PIP5K1B: variants seen among roughly 807,000 people sequenced by gnomAD.
The protein encoded by PIP5K1B is phosphatidylinositol 4-phosphate 5-kinase type-1 beta.
A neutral mutation model predicts 67.0 loss-of-function variants in PIP5K1B; 42 were observed. That is an observed-to-expected ratio of 0.63 (90% CI 0.49 to 0.81). The LOEUF is 0.81. Ranked by LOEUF, PIP5K1B falls within the 30% of genes least tolerant of loss-of-function variation. The pLI, the probability that PIP5K1B is intolerant of heterozygous loss-of-function variation, is 0.00. For synonymous variants in PIP5K1B, 214 were observed against 231.4 expected (o/e 0.92, Z 0.68); for missense variants, 459 against 646.3 (o/e 0.71, Z 3.14).
intron 1 of PIP5K1B, among the ~76,000 whole-genome samples, chr9:68,736,308 A>G (rs1285457484): frequency 4.6e-5 from 7 of 152,200 alleles, no homozygotes; most frequent in Admixed American, 4.6e-4. Context: ...ATCTTAATCT[A>G]TTAATCTTGA....
intron 2 of PIP5K1B, among the ~76,000 whole-genome samples, chr9:68,769,248 A>T (rs1830571774): frequency 1.3e-5 from 2 of 152,220 alleles, no homozygotes; most frequent in South Asian, 4.1e-4. Flanking sequence ...AGCCCAGGGA[A>T]ATCTTTCTGT....
At chr9:68,886,633 C>A (rs935678361) in intron 6 of PIP5K1B, among the ~76,000 whole-genome samples, 12 of 152,312 alleles carry the variant, frequency 7.9e-5, no homozygotes, top group African/African-American at 2.9e-4. Context: ...GGCCAGGAAG[C>A]AATTGATCTT....
At chr9:68,825,989 G>A (rs1452338506) in intron 4 of PIP5K1B, among the ~76,000 whole-genome samples, 1 of 152,172 alleles carries the variant, frequency 6.6e-6, no homozygotes, top group Non-Finnish European at 1.5e-5. Context: ...TGATTATTGA[G>A]GCTGGCTGCC....
intron 14 of PIP5K1B, among the ~76,000 whole-genome samples, chr9:68,988,542 C>T (rs1026826097): frequency 2.0e-5 from 3 of 150,450 alleles, no homozygotes; most frequent in Admixed American, 6.6e-5. Context: ...CTCTGCCTCC[C>T]GGCTTCAAAT....
At chr9:68,767,973 A>G (rs1830513208) in intron 2 of PIP5K1B, among the ~76,000 whole-genome samples, 1 of 152,210 alleles carries the variant, frequency 6.6e-6, no homozygotes, top group Non-Finnish European at 1.5e-5. Flanking sequence ...CCAAATAAAA[A>G]GAAAAAAATT....
intron 2 of PIP5K1B, among the ~76,000 whole-genome samples, chr9:68,760,688 A>G (rs1392406534): frequency 2.0e-5 from 3 of 152,038 alleles, no homozygotes; most frequent in African/African-American, 4.8e-5. Flanking sequence ...TCACCTCCAG[A>G]CTGTAAGCTC....
rs560957683 is a variant in PIP5K1B at position 68,736,011 on chromosome 9, G to A, written c.-242-6490G>A. ...AGGGTCAGCCAGGTAATGAGATGGAGTGAGTGAGGACAAACACAAATTTGG... is the reference window on the plus strand; with the variant it reads ...AGGGTCAGCCAGGTAATGAGATGGAATGAGTGAGGACAAACACAAATTTGG... On this transcript the variant is annotated intron_variant, in intron 1 of 15. Transcript: ENST00000265382. 2.6e-5 allele frequency among the ~76,000 whole-genome samples: 4 copies of A among 152,332 alleles called. No individual in the cohort carries two copies. In the South Asian group the frequency reaches 8.3e-4, roughly 32 times the overall value.
intron 2 of PIP5K1B, chr9:68,782,791 A>G (rs1307756705): frequency 6.0e-6 from 1 of 167,144 alleles, no homozygotes; most frequent in East Asian, 1.9e-4. Flanking sequence ...CCCTGCCTCC[A>G]GAGGTATTTG....
chr9:68,813,855 G>A (rs1364196681), intron 2 of PIP5K1B, among the ~76,000 whole-genome samples: 1 of 152,200 alleles, frequency 6.6e-6, no homozygotes, highest in Non-Finnish European at 1.5e-5. Context: ...GAGTCTCAGA[G>A]GGAGCATGGC....
At chr9:68,889,287 T>G (rs1824647354) in intron 7 of PIP5K1B, among the ~76,000 whole-genome samples, 154 bp downstream of exon 7, 1 of 152,214 alleles carries the variant, frequency 6.6e-6, no homozygotes, top group Admixed American at 6.5e-5. Context: ...ATTCATTGAA[T>G]AGATTTTTTA....
chr9:68,988,731 G>A (rs969944382), intron 14 of PIP5K1B, among the ~76,000 whole-genome samples: 4 of 151,672 alleles, frequency 2.6e-5, no homozygotes, highest in South Asian at 2.1e-4. Context: ...GATTATAGGC[G>A]TGAGCCACCG....
intron 2 of PIP5K1B, among the ~76,000 whole-genome samples, chr9:68,749,748 C>A (rs148942558): frequency 1.3e-5 from 2 of 152,146 alleles, no homozygotes; most frequent in Admixed American, 6.5e-5. Flanking sequence ...TGTTGTGGGG[C>A]GGTCCTCTGC....
intron 14 of PIP5K1B, among the ~76,000 whole-genome samples, chr9:68,952,955 G>C (rs1187595977): frequency 6.6e-6 from 1 of 151,296 alleles, no homozygotes. Flanking sequence ...CTAGGCCTTG[G>C]TGCAGGTCTA....
intron 2 of PIP5K1B, among the ~76,000 whole-genome samples, chr9:68,813,972 G>A (rs1833298839): frequency 6.6e-6 from 1 of 152,194 alleles, no homozygotes; most frequent in African/African-American, 2.4e-5. Context: ...ACAGCCCTAG[G>A]AAACTGATAA....
intron 8 of PIP5K1B, among the ~76,000 whole-genome samples, chr9:68,915,252 A>G (rs927152783): frequency 1.3e-5 from 2 of 151,968 alleles, no homozygotes; most frequent in Admixed American, 6.6e-5. Context: ...AGGAAGCGCT[A>G]GCACTGATAA....
chr9:68,914,836 T>G (rs1826022429), intron 8 of PIP5K1B, among the ~76,000 whole-genome samples: 1 of 152,164 alleles, frequency 6.6e-6, no homozygotes, highest in African/African-American at 2.4e-5. Context: ...TCTAAAGGAA[T>G]TAGGATTTGC....
chr9:68,895,604 A>G (rs1261016163), intron 8 of PIP5K1B, among the ~76,000 whole-genome samples: 1 of 147,076 alleles, frequency 6.8e-6, no homozygotes, highest in Non-Finnish European at 1.5e-5. Context: ...AATTTCCACT[A>G]AGGAACACAG....
At chr9:68,705,983 C>T (rs1827103217) in intron 1 of PIP5K1B, 1 of 152,234 alleles carries the variant, frequency 6.6e-6, no homozygotes, top group Admixed American at 6.5e-5. Context: ...GACACCCACC[C>T]GCTCGTCACC....
chr9:68,743,034 T>C (rs1829092318), intron 2 of PIP5K1B, among the ~76,000 whole-genome samples: 1 of 152,102 alleles, frequency 6.6e-6, no homozygotes, highest in African/African-American at 2.4e-5. Flanking sequence ...TCATCAGCTG[T>C]CAGACTTTGA....
Sources: gnomAD v4.1 joint callset for allele counts (sites outside exome capture counted in the v4.1 genomes callset) on GRCh38, gnomAD v4.1.1 for gene constraint, MANE v1.5 for transcripts, NCBI Gene and HGNC (gene_info 2026-07-23, HGNC 2026-07-21) for gene names.